Variants in DOCK5 observed in about 807,000 individuals in gnomAD.
DOCK5 encodes the protein dedicator of cytokinesis 5.
DOCK5 carries 142 observed loss-of-function variants against 251.8 expected under a neutral mutation model. The ratio of observed to expected loss-of-function variants is 0.56; its 90% CI spans 0.49 to 0.65. DOCK5 has a LOEUF of 0.65. Ranked by LOEUF, DOCK5 falls within the 30% of genes least tolerant of loss-of-function variation. The pLI is 0.00. For missense variants in DOCK5, 2,111 were observed against 2,312.3 expected (o/e 0.91, Z 1.79); for synonymous variants, 842 against 835.5 (o/e 1.01, Z -0.13).
intron 33 of DOCK5, 41 bp downstream of exon 33, chr8:25,368,766 A>T (rs761088985): frequency 9.5e-6 from 15 of 1,580,168 alleles, no homozygotes; most frequent in Non-Finnish European, 1.2e-5. Context: ...AAATGGACAT[A>T]TAGTCAAATC....
At chr8:25,305,499 A>C (rs1009977267) in intron 11 of DOCK5, among the ~76,000 whole-genome samples, 2 of 152,174 alleles carry the variant, frequency 1.3e-5, no homozygotes, top group Admixed American at 6.5e-5. Context: ...TCAGCCAAAA[A>C]AAGAAAAATT....
chr8:25,377,734 G>A (rs1355708784), intron 38 of DOCK5, among the ~76,000 whole-genome samples: 1 of 152,128 alleles, frequency 6.6e-6, no homozygotes, highest in African/African-American at 2.4e-5. Context: ...CAGGAAGAAT[G>A]TAAACTGGGG....
chr8:25,332,806 C>G, intron 20 of DOCK5, 114 bp downstream of exon 20: 1 of 773,674 alleles, frequency 1.3e-6, no homozygotes, highest in South Asian at 2.2e-5. Context: ...TTGTTTACAT[C>G]TCTCTGGTTA....
At chr8:25,268,950 T>A in intron 3 of DOCK5, 65 bp downstream of exon 3, 1 of 1,360,500 alleles carries the variant, frequency 7.4e-7, no homozygotes, top group Non-Finnish European at 1.0e-6. Flanking sequence ...TATTGTGCTA[T>A]GTGACCCTCT....
Position 25,382,682 on chromosome 8 carries a change from G to A in DOCK5, c.4035G>A (p.Arg1345=), listed in dbSNP as rs976109792. The stretch of plus-strand genomic sequence containing the variant: ...CTTGTTTTGTTTTCCAGAAAAAAAG[G>A]GCCTCATTTTATGAGAACATCATTA... ...YEGLGNLLKK[R]ASFYENIIKA... The change falls in exon 40 of 52, where the codon AGG becomes AGA. Residue 1345 remains arginine (R), a synonymous_variant. Coordinates refer to ENST00000276440, the MANE Select transcript of DOCK5 (RefSeq NM_024940.8). The A allele has an allele frequency of 6.8e-6, 11 of 1,608,798 alleles. No individual in the cohort carries two copies. In the African/African-American group the frequency reaches 9.4e-5, roughly 14 times the overall value.
Position 25,282,849 on chromosome 8 carries a change from C to CAAAAAAAAA in DOCK5, c.321+4207_321+4215dup, listed in dbSNP as rs56687628. On this transcript the variant is annotated intron_variant, in intron 5 of 51. Transcript: ENST00000276440. ...TGGGTGACACAGTAAGACCCTTTCTCAAAAAAAAAAAAAAAAAAAAAAAAA... is the reference window on the plus strand; with the variant it reads ...TGGGTGACACAGTAAGACCCTTTCTCAAAAAAAAAAAAAAAAAAAAAAAAAAAAAAAAAA... 6.1e-4 allele frequency among the ~76,000 whole-genome samples: 24 copies of CAAAAAAAAA among 39,610 alleles called. 1 individual carries two copies. The highest frequency in any genetic ancestry group is 1.8e-3 in the African/African-American group (21 of 11,542). The allele number at this position is 39,610 out of a possible 152,430, so 26.0% of individuals were successfully genotyped here.
rs1801215051 is a variant in DOCK5, at chr8:25,389,224, C to T, written c.4265C>T (p.Pro1422Leu). The change falls in exon 41 of 52, where the codon CCC becomes CTC. Residue 1422 changes from proline (P) to leucine (L), a missense_variant. This residue lies in a region of DOCK5 where 1,717 missense variants were observed against 1,892.4 expected (regional missense o/e 0.91). Transcript: ENST00000276440. ...TPPGEDIKSS[P>L]KQYMQCFTVK... is the part of the protein sequence containing the mutation. ...CCTGGGGAAGACATCAAGTCGTCCCCCAAGCAGTGTATCCTTTCCGGGGGG... is the reference window on the plus strand; with the variant it reads ...CCTGGGGAAGACATCAAGTCGTCCCTCAAGCAGTGTATCCTTTCCGGGGGG... 1 of 1,613,680 alleles carries T rather than the reference C, an allele frequency of 6.2e-7. No individual in the cohort carries two copies. Among genetic ancestry groups the T allele is most frequent in the African/African-American group, 1.3e-5 (1 of 74,902 alleles).
intron 12 of DOCK5, among the ~76,000 whole-genome samples, chr8:25,309,594 A>C (rs138473457): frequency 1.6e-4 from 24 of 152,374 alleles, no homozygotes; most frequent in African/African-American, 5.8e-4. Context: ...GAAGGAAACC[A>C]AAGTAATACA....
At chr8:25,206,151 C>G (rs1387760010) in intron 1 of DOCK5, among the ~76,000 whole-genome samples, 1 of 152,130 alleles carries the variant, frequency 6.6e-6, no homozygotes, top group East Asian at 1.9e-4. Context: ...GGACCTGGCA[C>G]AGCGTGAGCC....
chr8:25,400,000 G>C lies in DOCK5; in HGVS notation c.4788+6G>C, dbSNP rs1443891039. 6.2e-7 allele frequency: 1 copy of C among 1,612,566 alleles called. No individual in the cohort carries two copies. Among genetic ancestry groups the C allele is most frequent in the African/African-American group, 1.3e-5 (1 of 74,894 alleles). On this transcript the variant is annotated splice_donor_region_variant and intron_variant, in intron 46 of 51. Coordinates refer to ENST00000276440, the MANE Select transcript of DOCK5 (RefSeq NM_024940.8). ...AGCGACTAATAGCATTACAGGTACA[G>C]GACGGCTTTCCTCTACACTCCCAGG...
At chr8:25,264,415 A>G (rs566777131) in intron 2 of DOCK5, among the ~76,000 whole-genome samples, 47 of 151,308 alleles carry the variant, frequency 3.1e-4, no homozygotes, top group Admixed American at 6.6e-4. Flanking sequence ...TATATCCTAC[A>G]TTTTTTTCAT....
intron 1 of DOCK5, among the ~76,000 whole-genome samples, chr8:25,239,341 A>ATGTATGTG (rs1554521929): frequency 7.0e-6 from 1 of 142,204 alleles, no homozygotes; most frequent in Non-Finnish European, 1.5e-5. Context: ...GTGTGTGTGT[A>ATGTATGTG]TGTGTGTGTG....
At position 25,372,667 on chromosome 8, in the gene DOCK5, C is replaced by A. The variant is rs191888134; in HGVS notation, c.3633C>A (p.Ile1211=). 18 of 1,611,622 alleles carry A rather than the reference C, an allele frequency of 1.1e-5. No homozygotes were observed. The African/African-American group carries it at 2.4e-4, about 21-fold the overall frequency. Residue 1211 remains isoleucine (I), a synonymous_variant, in exon 35 of 52, where the codon ATC becomes ATA. Coordinates refer to ENST00000276440, the MANE Select transcript of DOCK5 (RefSeq NM_024940.8). ...ACCTGCTGGACTATAGAACCATCAT[C>A]ATGCAAGATGAGAGCAAGGAGAACC... ...LENLLDYRTI[I]MQDESKENRM... is the part of the protein sequence containing the mutation.
chr8:25,367,733 T>C (rs1800801243), intron 31 of DOCK5, among the ~76,000 whole-genome samples: 1 of 152,226 alleles, frequency 6.6e-6, no homozygotes, highest in Admixed American at 6.5e-5. Context: ...GAGTGCATGG[T>C]GTAGAGCCTT....
At chr8:25,407,611 C>G (rs1421802395) in intron 48 of DOCK5, among the ~76,000 whole-genome samples, 1 of 152,102 alleles carries the variant, frequency 6.6e-6, no homozygotes, top group East Asian at 1.9e-4. Context: ...GTGGCTCACG[C>G]CTCTAGCCTT....
chr8:25,332,439 A>G (rs1456811746), intron 19 of DOCK5, 91 bp downstream of exon 19: 4 of 1,236,230 alleles, frequency 3.2e-6, no homozygotes, highest in African/African-American at 1.5e-5. Flanking sequence ...TTAAAATTAA[A>G]TCATTCATTG....
At position 25,239,568 on chromosome 8, in the gene DOCK5, G is replaced by A. The variant is rs139102243; in HGVS notation, c.44-4106G>A. ...GGGGCCAATGGAAGGGACCATTTCAGTACAAGGCCATGAATAGGGAGTAGG... is the reference window on the plus strand; with the variant it reads ...GGGGCCAATGGAAGGGACCATTTCAATACAAGGCCATGAATAGGGAGTAGG... On this transcript the variant is annotated intron_variant, in intron 1 of 51. Transcript: ENST00000276440. Among the ~76,000 whole-genome samples, 617 of 152,232 alleles carry A rather than the reference G, an allele frequency of 4.1e-3. 4 individuals carry two copies. The highest frequency in any genetic ancestry group is 0.014 in the African/African-American group (591 of 41,542).
At chr8:25,317,762 C>T (rs1048850151) in intron 14 of DOCK5, among the ~76,000 whole-genome samples, 4 of 152,204 alleles carry the variant, frequency 2.6e-5, no homozygotes, top group African/African-American at 9.6e-5. Flanking sequence ...AAGCGCCCAC[C>T]ACCACGCCCG....
At chr8:25,387,736 C>T (rs1177553365) in intron 40 of DOCK5, among the ~76,000 whole-genome samples, 1 of 152,212 alleles carries the variant, frequency 6.6e-6, no homozygotes, top group Non-Finnish European at 1.5e-5. Flanking sequence ...GCTTTCCGCC[C>T]CTGGGCCTGA....
Sources: gnomAD v4.1 joint callset for allele counts (sites outside exome capture counted in the v4.1 genomes callset) on GRCh38, gnomAD v4.1.1 for gene constraint, gnomAD v4.1.1 regional missense constraint, MANE v1.5 for transcripts, NCBI Gene and HGNC (gene_info 2026-07-23, HGNC 2026-07-21) for gene names.